FRS2: variants seen among roughly 807,000 people sequenced by gnomAD.
The protein encoded by FRS2 is FGFR signalling adaptor.
FRS2 carries 8 observed loss-of-function variants against 43.9 expected under a neutral mutation model. The observed-to-expected ratio is 0.18, with a 90% CI of 0.11 to 0.33. The LOEUF (loss-of-function observed/expected upper bound fraction) is 0.33. FRS2 is among the 10% of genes least tolerant of loss of function. FRS2 has a pLI of 1.00. For missense variants in FRS2, 534 were observed against 627.6 expected (o/e 0.85, Z 1.59); for synonymous variants, 219 against 220.3 (o/e 0.99, Z 0.05).
intron 1 of FRS2, among the ~76,000 whole-genome samples, chr12:69,522,204 G>GTGTT (rs778950658): frequency 8.6e-6 from 1 of 116,390 alleles, no homozygotes; most frequent in Non-Finnish European, 2.1e-5. Flanking sequence ...GTGTGTGTGT[G>GTGTT]TGTGTGTGTG....
At chr12:69,489,524 G>C (rs894530342) in intron 1 of FRS2, among the ~76,000 whole-genome samples, 8 of 151,968 alleles carry the variant, frequency 5.3e-5, no homozygotes, top group African/African-American at 1.5e-4. Context: ...ACAAAAATTG[G>C]CTGGGTGTGG....
intron 3 of FRS2, among the ~76,000 whole-genome samples, chr12:69,537,322 C>G (rs1202290601): frequency 2.2e-5 from 3 of 134,192 alleles, no homozygotes; most frequent in Non-Finnish European, 4.6e-5. Flanking sequence ...GATCTGAGAC[C>G]TTTCTTCTAT....
chr12:69,573,014 G>A (rs1399738648), intron 8 of FRS2, among the ~76,000 whole-genome samples: 1 of 152,130 alleles, frequency 6.6e-6, no homozygotes, highest in African/African-American at 2.4e-5. Flanking sequence ...CATATTTTTA[G>A]TAGAGACCGG....
intron 1 of FRS2, among the ~76,000 whole-genome samples, chr12:69,527,843 CAACTTTCCAAACAAAGCAGAT>C (rs2135646440): frequency 6.6e-6 from 1 of 152,268 alleles, no homozygotes; most frequent in Non-Finnish European, 1.5e-5. Flanking sequence ...GGGTTCTCTC[CAACTTTCCAAACAAAGCAGAT>C]TTGAACATTA....
intron 1 of FRS2, among the ~76,000 whole-genome samples, chr12:69,474,213 G>A (rs948932439): frequency 6.6e-6 from 1 of 152,166 alleles, no homozygotes; most frequent in African/African-American, 2.4e-5. Context: ...AAGGAGGTAC[G>A]TAATGAGATC....
chr12:69,575,007 G>T lies in FRS2; in HGVS notation c.*52G>T, dbSNP rs1186273732. ...CCTTTGTGAAGTTTTTAAAAATGAA[G>T]ATGCAAGTGCTTCATTTTCATTTCT... is the stretch of plus-strand genomic sequence containing the variant. On this transcript the variant is annotated 3_prime_UTR_variant, in exon 9 of 9. Transcript: ENST00000549921. 3 of 1,164,614 alleles carry T rather than the reference G, an allele frequency of 2.6e-6. No individual in the cohort carries two copies. Among genetic ancestry groups the T allele is most frequent in the Admixed American group, 2.0e-5 (1 of 49,546 alleles). The allele number at this position is 1,164,614 out of a possible 1,614,324, so 72.1% of individuals were successfully genotyped here.
intron 3 of FRS2, among the ~76,000 whole-genome samples, chr12:69,556,008 CGG>C (rs10666921): frequency 0.42 from 52,036 of 123,528 alleles, 10,641 homozygotes; most frequent in South Asian, 0.54. Context: ...GTGTGTGTGG[CGG>C]GGGGGGGGGC....
At chr12:69,508,056 TTGCTGCAG>T (rs771766959) in intron 1 of FRS2, among the ~76,000 whole-genome samples, 380 of 140,874 alleles carry the variant, frequency 2.7e-3, no homozygotes, top group African/African-American at 8.3e-3. Flanking sequence ...AAAAAAAAAG[TTGCTGCAG>T]TGCTGCAGTT....
chr12:69,531,928 G>A (rs1480835917), intron 2 of FRS2, 86 bp from the exon 3 acceptor site: 1 of 152,570 alleles, frequency 6.6e-6, no homozygotes, highest in African/African-American at 2.4e-5. Flanking sequence ...TATTCTGAAT[G>A]TACTCTGTTA....
chr12:69,562,288 T>G lies in FRS2; in HGVS notation c.-27+14T>G. 2.5e-6 allele frequency: 1 copy of G among 398,352 alleles called. No individual in the cohort carries two copies. 24.7% of individuals were successfully genotyped at this position (398,352 alleles called of 1,614,324 possible). A position where few individuals can be genotyped will look rare whatever the true frequency, so the allele number is the denominator to read the frequency against. ...GGCCAGATCTAGGTAAGTTGAAGTT[T>G]ATTTATGTTTTACATCACTAAGCCT... On this transcript the variant is annotated intron_variant, in intron 4 of 8. Coordinates refer to ENST00000549921, the MANE Select transcript of FRS2 (RefSeq NM_001278356.2).
intron 1 of FRS2, among the ~76,000 whole-genome samples, chr12:69,487,035 T>C (rs924058754): frequency 6.6e-6 from 1 of 152,226 alleles, no homozygotes; most frequent in Non-Finnish European, 1.5e-5. Context: ...TTATCATTTT[T>C]CTTAGAATTA....
At chr12:69,534,374 A>G (rs1877078157) in intron 3 of FRS2, among the ~76,000 whole-genome samples, 1 of 152,222 alleles carries the variant, frequency 6.6e-6, no homozygotes, top group South Asian at 2.1e-4. Context: ...AAAAACAAAA[A>G]AACAAAATTC....
chr12:69,523,402 T>A lies in FRS2; in HGVS notation c.-260-7463T>A, dbSNP rs58072195. The stretch of plus-strand genomic sequence containing the variant: ...TGTCTGAAATTAGGATTGCAACCCC[T>A]GCTTTTTCTGTTTTCCATTTCCCTG... On this transcript the variant is annotated intron_variant, in intron 1 of 8. Coordinates refer to ENST00000549921, the MANE Select transcript of FRS2 (RefSeq NM_001278356.2). Among the ~76,000 whole-genome samples the A allele has an allele frequency of 0.035, 5,278 of 152,320 alleles. 416 individuals carry two copies. In the East Asian group the frequency reaches 0.36, roughly 11 times the overall value.
At chr12:69,511,628 A>C (rs1179215729) in intron 1 of FRS2, among the ~76,000 whole-genome samples, 4 of 152,204 alleles carry the variant, frequency 2.6e-5, no homozygotes, top group Non-Finnish European at 5.9e-5. Flanking sequence ...TGAATAGAGG[A>C]TTAGGTCAGT....
intron 3 of FRS2, among the ~76,000 whole-genome samples, chr12:69,538,965 G>A (rs942303793): frequency 2.0e-5 from 3 of 152,104 alleles, no homozygotes; most frequent in Non-Finnish European, 4.4e-5. Context: ...CACCCCGGTA[G>A]CAAGAGCACA....
intron 1 of FRS2, among the ~76,000 whole-genome samples, chr12:69,489,983 TTTGA>T (rs1872319065): frequency 6.6e-6 from 1 of 151,914 alleles, no homozygotes; most frequent in Non-Finnish European, 1.5e-5. Context: ...AGCTATATAG[TTTGA>T]TTAAAAAAAA....
intron 1 of FRS2, among the ~76,000 whole-genome samples, chr12:69,494,251 A>C (rs1413267188): frequency 6.6e-6 from 1 of 152,208 alleles, no homozygotes; most frequent in Non-Finnish European, 1.5e-5. Context: ...ATAGTACCAT[A>C]ATAATTTAAA....
chr12:69,476,974 G>C (rs767253111), intron 1 of FRS2, among the ~76,000 whole-genome samples: 1 of 152,012 alleles, frequency 6.6e-6, no homozygotes, highest in Non-Finnish European at 1.5e-5. Context: ...GAAAACTGTG[G>C]GTTTGCTGCT....
chr12:69,482,407 A>G (rs914681847), intron 1 of FRS2, among the ~76,000 whole-genome samples: 6 of 152,210 alleles, frequency 3.9e-5, no homozygotes, highest in Non-Finnish European at 7.3e-5. Context: ...GTAAATTGGT[A>G]GAAGCTGGGC....
Sources: gnomAD v4.1 joint callset for allele counts (sites outside exome capture counted in the v4.1 genomes callset) on GRCh38, gnomAD v4.1.1 for gene constraint, MANE v1.5 for transcripts, NCBI Gene and HGNC (gene_info 2026-07-23, HGNC 2026-07-21) for gene names.